The following MOXD1 variants were observed in gnomAD, a reference collection of about 807,000 sequenced individuals.
MOXD1 encodes monooxygenase DBH like 1, also known as DBH-like monooxygenase protein 1.
In MOXD1, 62 loss-of-function variants were observed where a neutral mutation model predicts 66.6. The ratio of observed to expected loss-of-function variants is 0.93; its 90% CI spans 0.76 to 1.15. The LOEUF (loss-of-function observed/expected upper bound fraction) is 1.15. Among genes scored for constraint, MOXD1 ranks in the 50% most tolerant of loss-of-function variants. The probability of loss-of-function intolerance (pLI) is 0.00; values close to 1 mark genes in which losing one functional copy is unlikely to be tolerated. For synonymous variants in MOXD1, 303 were observed against 281.9 expected, an observed-to-expected ratio of 1.07 and a Z score of -0.75; for missense variants, 847 against 754.6, an observed-to-expected ratio of 1.12 and a Z score of -1.44.
intron 8 of MOXD1, among the ~76,000 whole-genome samples, chr6:132,321,533 C>T (rs1486325918): frequency 1.3e-5 from 2 of 152,010 alleles, no homozygotes; most frequent in African/African-American, 2.4e-5. Flanking sequence ...AAAATGATAA[C>T]ATTTTTATGT....
chr6:132,392,600 G>T (rs543271797), intron 1 of MOXD1, among the ~76,000 whole-genome samples: 1 of 152,270 alleles, frequency 6.6e-6, no homozygotes, highest in Admixed American at 6.5e-5. Flanking sequence ...AGACAAAATA[G>T]TGAGGTTTTG....
Position 132,388,041 on chromosome 6 carries a change from C to T in MOXD1, c.264+13122G>A, listed in dbSNP as rs1026354675. Among the ~76,000 whole-genome samples, 9 of 151,382 alleles carry T rather than the reference C, an allele frequency of 5.9e-5. 1 individual carries two copies. The highest frequency in any genetic ancestry group is 4.0e-4 in the Admixed American group (6 of 15,120). ...AAACCAATTACTTCAAGTTTGACTT[C>T]GAAGTTTTTTCAAAAATTACTATAA... On this transcript the variant is annotated intron_variant, in intron 1 of 11. Transcript: ENST00000367963.
At chr6:132,330,942 C>T (rs759970654) in intron 4 of MOXD1, among the ~76,000 whole-genome samples, 2 of 152,182 alleles carry the variant, frequency 1.3e-5, no homozygotes, top group African/African-American at 4.8e-5. Flanking sequence ...GCCTCAGGTA[C>T]ATTTTCAACA....
At chr6:132,304,489 G>A (rs1180063607) in intron 10 of MOXD1, among the ~76,000 whole-genome samples, 1 of 152,112 alleles carries the variant, frequency 6.6e-6, no homozygotes, top group Non-Finnish European at 1.5e-5. Context: ...AACCAAGAAT[G>A]GGCTGCTTGT....
In MOXD1 at chr6:132,297,040, G is replaced by A; in HGVS notation, c.*113C>T. ...AAGGAAAAAGGAGGGAGGGAAAATG[G>A]GGAAGAAAAGTCTCCACACTCTTCA... On this transcript the variant is annotated 3_prime_UTR_variant, in exon 12 of 12. Transcript: ENST00000367963. 2 of 1,060,524 alleles carry A rather than the reference G, an allele frequency of 1.9e-6. No individual in the cohort carries two copies. Among genetic ancestry groups the A allele is most frequent in the Non-Finnish European group, 2.7e-6 (2 of 739,644 alleles). 65.7% of individuals were successfully genotyped at this position (1,060,524 alleles called of 1,614,324 possible).
chr6:132,307,775 G>A (rs1041495944), intron 10 of MOXD1, among the ~76,000 whole-genome samples: 2 of 152,152 alleles, frequency 1.3e-5, no homozygotes, highest in Non-Finnish European at 2.9e-5. Flanking sequence ...TGACTCCTGA[G>A]TAAATAATGA....
chr6:132,332,288 T>C (rs544366492), intron 4 of MOXD1, among the ~76,000 whole-genome samples: 14 of 152,186 alleles, frequency 9.2e-5, no homozygotes, highest in Admixed American at 8.5e-4. Flanking sequence ...ACAAGGAACC[T>C]TGCTGCAAAC....
At chr6:132,346,711 C>A (rs1775675599) in intron 4 of MOXD1, among the ~76,000 whole-genome samples, 1 of 152,144 alleles carries the variant, frequency 6.6e-6, no homozygotes, top group African/African-American at 2.4e-5. Context: ...GTCTTTAAAT[C>A]ATATTTTTTT....
At chr6:132,375,061 G>A in intron 1 of MOXD1, 1 of 516,738 alleles carries the variant, frequency 1.9e-6, no homozygotes, top group South Asian at 3.1e-5. Flanking sequence ...TTCCTTCCTT[G>A]GAAAAATTAA....
intron 4 of MOXD1, among the ~76,000 whole-genome samples, chr6:132,371,246 T>C (rs1776256474): frequency 6.6e-6 from 1 of 152,172 alleles, no homozygotes; most frequent in South Asian, 2.1e-4. Flanking sequence ...AGGGAAGGAC[T>C]TGGGCATGGT....
intron 10 of MOXD1, among the ~76,000 whole-genome samples, chr6:132,309,548 ACT>A (rs1022297517): frequency 1.4e-4 from 22 of 152,290 alleles, no homozygotes; most frequent in African/African-American, 5.3e-4. Flanking sequence ...ATCAAAGAAG[ACT>A]CTGTATAGCT....
At chr6:132,334,258 C>T (rs1281674056) in intron 4 of MOXD1, among the ~76,000 whole-genome samples, 1 of 152,218 alleles carries the variant, frequency 6.6e-6, no homozygotes, top group East Asian at 1.9e-4. Flanking sequence ...TCTTGATTAT[C>T]TCCACTATAC....
In MOXD1 at chr6:132,361,738, T is replaced by C. The variant is rs73546070; in HGVS notation, c.663+10870A>G. Among the ~76,000 whole-genome samples the C allele has an allele frequency of 5.5e-3, 831 of 152,202 alleles. 11 individuals carry two copies. Among genetic ancestry groups the C allele is most frequent in the African/African-American group, 0.02 (811 of 41,550 alleles). On this transcript the variant is annotated intron_variant, in intron 4 of 11. Coordinates refer to ENST00000367963, the MANE Select transcript of MOXD1 (RefSeq NM_015529.4). Reference sequence around the variant, plus strand: ...ACCCTAGGTTATGAATCAAGAAAAATACAATAATAGCTCAATGAAGCAAAT... The same window carrying C: ...ACCCTAGGTTATGAATCAAGAAAAACACAATAATAGCTCAATGAAGCAAAT...
At chr6:132,380,968 T>C (rs1170253408) in intron 1 of MOXD1, among the ~76,000 whole-genome samples, 1 of 152,190 alleles carries the variant, frequency 6.6e-6, no homozygotes, top group African/African-American at 2.4e-5. Flanking sequence ...AAAGGGTTTA[T>C]ACATGCAACA....
At chr6:132,321,084 G>A (rs909852260) in intron 8 of MOXD1, among the ~76,000 whole-genome samples, 3 of 152,152 alleles carry the variant, frequency 2.0e-5, no homozygotes, top group Non-Finnish European at 4.4e-5. Context: ...GGCCAAGATG[G>A]TGAAACCGCG....
intron 4 of MOXD1, among the ~76,000 whole-genome samples, chr6:132,336,309 G>A (rs1052957869): frequency 3.3e-5 from 5 of 152,230 alleles, no homozygotes; most frequent in Admixed American, 1.3e-4. Flanking sequence ...ATAAAAGCCC[G>A]TAATCCATCT....
intron 4 of MOXD1, among the ~76,000 whole-genome samples, chr6:132,336,086 G>T (rs1401290352): frequency 1.3e-5 from 2 of 152,138 alleles, no homozygotes; most frequent in African/African-American, 4.8e-5. Context: ...GTGGCTCCTT[G>T]CTTGTTAAAA....
At chr6:132,317,934 A>G (rs1372498283) in intron 9 of MOXD1, among the ~76,000 whole-genome samples, 1 of 152,110 alleles carries the variant, frequency 6.6e-6, no homozygotes, top group Non-Finnish European at 1.5e-5. Context: ...TGAACTTTAC[A>G]TACATAATAT....
chr6:132,349,404 TACATATATATATATATAC>T (rs1775741004), intron 4 of MOXD1, among the ~76,000 whole-genome samples: 2 of 42,406 alleles, frequency 4.7e-5, no homozygotes, highest in African/African-American at 2.3e-4. Context: ...CACATATATA[TACATATATATATATATAC>T]ATATATATAT....
Sources: allele counts gnomAD v4.1 joint callset (sites outside exome capture counted in the v4.1 genomes callset), GRCh38; gene constraint gnomAD v4.1.1; transcripts MANE v1.5; gene names NCBI Gene and HGNC (gene_info 2026-07-23, HGNC 2026-07-21).